The following GMDS variants were observed in gnomAD, a reference collection of about 807,000 sequenced individuals.
GMDS encodes the protein GDP-mannose 4,6 dehydratase.
In GMDS, 20 loss-of-function variants were observed where a neutral mutation model predicts 49.9. That is an observed-to-expected ratio of 0.40 (90% confidence interval 0.28 to 0.58). GMDS has a LOEUF of 0.58. Ranked by LOEUF, GMDS falls within the 20% of genes least tolerant of loss-of-function variation. The pLI is 0.42. For missense variants in GMDS, 362 were observed against 481.4 expected (o/e 0.75, Z 2.32); for synonymous variants, 177 against 178.6 (o/e 0.99, Z 0.07).
intron 7 of GMDS, among the ~76,000 whole-genome samples, chr6:1,807,019 T>C (rs888599581): frequency 1.3e-5 from 2 of 152,336 alleles, no homozygotes; most frequent in Non-Finnish European, 2.9e-5. Context: ...AAGCAGTTTT[T>C]ATGCTTTGAA....
intron 4 of GMDS, among the ~76,000 whole-genome samples, chr6:2,004,489 A>C (rs573802843): frequency 3.9e-5 from 6 of 152,324 alleles, no homozygotes; most frequent in East Asian, 3.9e-4. Context: ...AAAAACATTA[A>C]AGGTATTTCT....
At chr6:1,875,370 T>G in intron 7 of GMDS, among the ~76,000 whole-genome samples, 1 of 151,404 alleles carries the variant, frequency 6.6e-6, no homozygotes, top group East Asian at 1.9e-4. Flanking sequence ...AAGATATGTA[T>G]CAACAAACTC....
rs144849590 is a variant in GMDS, at chr6:1,851,610, C to T, written c.771+78493G>A. Among the ~76,000 whole-genome samples, 1,090 of 152,094 alleles carry T rather than the reference C, an allele frequency of 7.2e-3. 12 individuals are homozygous for T. The highest frequency in any genetic ancestry group is 0.023 in the African/African-American group (964 of 41,498). ...ACATTTAATAAGGGGACTGTGTTTG[C>T]GGGGCTATAAATGTGGGCCAGCTAA... On this transcript the variant is annotated intron_variant, in intron 7 of 10. Transcript: ENST00000380815.
chr6:2,228,560 G>C (rs925129418), intron 1 of GMDS, among the ~76,000 whole-genome samples: 1 of 152,166 alleles, frequency 6.6e-6, no homozygotes, highest in African/African-American at 2.4e-5. Flanking sequence ...CTTTGGAACT[G>C]GTGGTAAGAA....
Position 2,245,457 on chromosome 6 carries a change from G to C in GMDS, c.-35C>G. On this transcript the variant is annotated 5_prime_UTR_variant, in exon 1 of 11. Coordinates refer to ENST00000380815, the MANE Select transcript of GMDS (RefSeq NM_001500.4). ...CGGGCGTGCGGTCGGCGGCAGGGCG[G>C]AGCGCGGCAGAGGGCAGGCGCGGTG... The C allele has an allele frequency of 7.9e-7, 1 of 1,269,174 alleles. No homozygotes were observed. The highest frequency in any genetic ancestry group is 1.0e-6 in the Non-Finnish European group (1 of 969,414). The allele number at this position is 1,269,174 out of a possible 1,614,324, so 78.6% of individuals were successfully genotyped here. A position where few individuals can be genotyped will look rare whatever the true frequency, so the allele number is the denominator to read the frequency against.
In GMDS at chr6:2,138,241, G is replaced by A. The variant is rs1254085248; in HGVS notation, c.103-13510C>T. 2.0e-5 allele frequency among the ~76,000 whole-genome samples: 3 copies of A among 152,200 alleles called. No individual in the cohort carries two copies. In the East Asian group the frequency reaches 5.8e-4, roughly 29 times the overall value. On this transcript the variant is annotated intron_variant, in intron 1 of 10. Coordinates refer to ENST00000380815, the MANE Select transcript of GMDS (RefSeq NM_001500.4). Reference sequence around the variant, plus strand: ...ATAACTTACACAAAGCTAAAGGAAAGTAATTGAAATGTTTCAAATTTCAAA... The same window carrying A: ...ATAACTTACACAAAGCTAAAGGAAAATAATTGAAATGTTTCAAATTTCAAA...
At chr6:1,670,562 A>C (rs1391588556) in intron 9 of GMDS, among the ~76,000 whole-genome samples, 1 of 152,190 alleles carries the variant, frequency 6.6e-6, no homozygotes, top group East Asian at 1.9e-4. Context: ...CACCGGGATA[A>C]GACAGAGAAG....
At chr6:2,232,912 GA>G (rs1013162437) in intron 1 of GMDS, among the ~76,000 whole-genome samples, 1 of 151,490 alleles carries the variant, frequency 6.6e-6, no homozygotes, top group Non-Finnish European at 1.5e-5. Context: ...CCACCATGAC[GA>G]AAAAAAACCT....
At chr6:1,750,609 G>A (rs1042904542) in intron 7 of GMDS, among the ~76,000 whole-genome samples, 4 of 152,112 alleles carry the variant, frequency 2.6e-5, no homozygotes, top group Admixed American at 1.3e-4. Flanking sequence ...ATTCCTTCGG[G>A]TGCCTATACC....
At chr6:2,193,675 T>C (rs1406809917) in intron 1 of GMDS, among the ~76,000 whole-genome samples, 1 of 151,792 alleles carries the variant, frequency 6.6e-6, no homozygotes, top group Non-Finnish European at 1.5e-5. Context: ...ACACATGAAA[T>C]AGCCAGATGG....
At chr6:2,005,057 G>C (rs970860139) in intron 4 of GMDS, among the ~76,000 whole-genome samples, 2 of 152,062 alleles carry the variant, frequency 1.3e-5, no homozygotes, top group African/African-American at 2.4e-5. Context: ...AGTACTTAAG[G>C]GTGCTTATAA....
chr6:1,942,414 C>T (rs1762866010), intron 6 of GMDS, among the ~76,000 whole-genome samples: 1 of 152,140 alleles, frequency 6.6e-6, no homozygotes, highest in Admixed American at 6.5e-5. Context: ...ATGGGAGTAG[C>T]CTAACCCTGC....
chr6:2,065,367 T>C (rs1435696844), intron 4 of GMDS, among the ~76,000 whole-genome samples: 2 of 151,982 alleles, frequency 1.3e-5, no homozygotes, highest in East Asian at 1.9e-4. Context: ...GCAGAGCGCC[T>C]CTCCTCCTCC....
At position 1,833,322 on chromosome 6, in the gene GMDS, TC is replaced by T. The variant is rs1756764667; in HGVS notation, c.772-90737del. Among the ~76,000 whole-genome samples the T allele has an allele frequency of 6.6e-6, 1 of 151,368 alleles. No homozygotes were observed. Among genetic ancestry groups the T allele is most frequent in the African/African-American group, 2.4e-5 (1 of 41,162 alleles). On this transcript the variant is annotated intron_variant, in intron 7 of 10. Coordinates refer to ENST00000380815, the MANE Select transcript of GMDS (RefSeq NM_001500.4). The surrounding 1 kb of genome is among the most constrained non-coding windows in gnomAD (Gnocchi z 4.4). ...ACAACACTGGACACATCAAATGTCC[TC>T]CCTTCCTTCATATGGAAAGCTCATC...
chr6:1,928,116 C>T (rs529464445), intron 7 of GMDS, among the ~76,000 whole-genome samples: 2 of 152,270 alleles, frequency 1.3e-5, no homozygotes, highest in South Asian at 2.1e-4. Context: ...CCTGTAATCC[C>T]GGCACTTTGG....
At chr6:1,897,542 C>A (rs1026257150) in intron 7 of GMDS, among the ~76,000 whole-genome samples, 2 of 152,034 alleles carry the variant, frequency 1.3e-5, no homozygotes, top group African/African-American at 4.8e-5. Flanking sequence ...GGGACCTGGA[C>A]AAATTGTATA....
At chr6:1,848,858 T>C (rs1367746892) in intron 7 of GMDS, among the ~76,000 whole-genome samples, 1 of 152,140 alleles carries the variant, frequency 6.6e-6, no homozygotes, top group Non-Finnish European at 1.5e-5. Flanking sequence ...TGGGTGAGCA[T>C]ACACTGTCTC....
chr6:2,224,329 T>C (rs1473080314), intron 1 of GMDS, among the ~76,000 whole-genome samples: 1 of 152,210 alleles, frequency 6.6e-6, no homozygotes, highest in Non-Finnish European at 1.5e-5. Flanking sequence ...CTGTGCTTCA[T>C]CTTTAATTCA....
intron 9 of GMDS, among the ~76,000 whole-genome samples, chr6:1,685,125 G>A (rs369726584): frequency 2.0e-4 from 30 of 152,046 alleles, no homozygotes; most frequent in African/African-American, 6.3e-4. Context: ...GGCTGAGTGC[G>A]GTGGCTCATG....
Sources: gnomAD v4.1 joint callset for allele counts (sites outside exome capture counted in the v4.1 genomes callset) on GRCh38, gnomAD v4.1.1 for gene constraint, Gnocchi (gnomAD v3.1) non-coding constraint, MANE v1.5 for transcripts, NCBI Gene and HGNC (gene_info 2026-07-23, HGNC 2026-07-21) for gene names.